IGSF11: variants seen among roughly 807,000 people sequenced by gnomAD.
The protein encoded by IGSF11 is CXADR like 1.
IGSF11 carries 22 observed loss-of-function variants against 41.0 expected under a neutral mutation model. That is an observed-to-expected ratio of 0.54 (90% confidence interval 0.38 to 0.77). The LOEUF (loss-of-function observed/expected upper bound fraction) is 0.77, where lower values mean the gene tolerates loss of function less well. Ranked by LOEUF, IGSF11 falls within the 30% of genes least tolerant of loss-of-function variation. IGSF11 has a pLI of 0.00. For missense variants in IGSF11, 444 were observed against 530.8 expected (o/e 0.84, Z 1.61); for synonymous variants, 219 against 201.3 (o/e 1.09, Z -0.74).
intron 1 of IGSF11, among the ~76,000 whole-genome samples, chr3:118,973,101 T>C (rs1933638942): frequency 6.6e-6 from 1 of 152,244 alleles, no homozygotes; most frequent in Non-Finnish European, 1.5e-5. Context: ...TTGTTCTCTC[T>C]GCTGCTCTCT....
At chr3:119,097,385 G>A (rs1244415623) in intron 1 of IGSF11, among the ~76,000 whole-genome samples, 1 of 152,030 alleles carries the variant, frequency 6.6e-6, no homozygotes, top group Non-Finnish European at 1.5e-5. Flanking sequence ...CTTAGGAAGA[G>A]TAAATTTGGC....
At chr3:118,977,638 C>T (rs1934262132) in intron 1 of IGSF11, among the ~76,000 whole-genome samples, 2 of 152,198 alleles carry the variant, frequency 1.3e-5, no homozygotes, top group South Asian at 2.1e-4. Flanking sequence ...CATCTTGGAA[C>T]TCCCCAGTGT....
At chr3:119,052,165 A>G (rs1941651287) in intron 1 of IGSF11, among the ~76,000 whole-genome samples, 1 of 152,128 alleles carries the variant, frequency 6.6e-6, no homozygotes, top group African/African-American at 2.4e-5. Flanking sequence ...AAAAAAATGT[A>G]CAAAAGATAA....
intron 1 of IGSF11, among the ~76,000 whole-genome samples, chr3:118,945,411 T>C (rs1470572634): frequency 6.6e-6 from 1 of 152,234 alleles, no homozygotes; most frequent in African/African-American, 2.4e-5. Context: ...TACATATCTA[T>C]GCTTTCCACC....
chr3:118,981,058 C>T (rs1234221008), intron 1 of IGSF11, among the ~76,000 whole-genome samples: 1 of 152,212 alleles, frequency 6.6e-6, no homozygotes. Flanking sequence ...TGCCACTCAC[C>T]AAGTTTCACC....
chr3:119,100,049 T>C (rs1209851865), intron 1 of IGSF11, among the ~76,000 whole-genome samples: 1 of 152,214 alleles, frequency 6.6e-6, no homozygotes, highest in East Asian at 1.9e-4. Flanking sequence ...TTCATTATGC[T>C]ACTCAGAGCT....
chr3:119,019,548 G>A (rs574126361), intron 1 of IGSF11, among the ~76,000 whole-genome samples: 18 of 151,804 alleles, frequency 1.2e-4, no homozygotes, highest in African/African-American at 4.4e-4. Flanking sequence ...CCCTTGTCCT[G>A]CTTTACTTCA....
At chr3:119,038,874 G>T (rs531714608), upstream of IGSF11, among the ~76,000 whole-genome samples, 1 of 152,100 alleles carries the variant, frequency 6.6e-6, no homozygotes, top group Non-Finnish European at 1.5e-5. Context: ...TTCACTTCCA[G>T]CAACAAAACA....
At chr3:118,981,327 G>A (rs757945160) in intron 1 of IGSF11, among the ~76,000 whole-genome samples, 1 of 151,986 alleles carries the variant, frequency 6.6e-6, no homozygotes, top group Non-Finnish European at 1.5e-5. Flanking sequence ...ATGCCACCAT[G>A]CCTGGCTAAT....
chr3:119,049,210 C>G (rs1941506048), intron 1 of IGSF11, among the ~76,000 whole-genome samples: 1 of 151,246 alleles, frequency 6.6e-6, no homozygotes, highest in African/African-American at 2.4e-5. Flanking sequence ...GTCAAATTGT[C>G]CCTGTTTGCA....
At chr3:119,019,304 T>C (rs1217762996) in intron 1 of IGSF11, among the ~76,000 whole-genome samples, 1 of 150,880 alleles carries the variant, frequency 6.6e-6, no homozygotes, top group Admixed American at 6.6e-5. Flanking sequence ...TAAATAGGCA[T>C]ATGCAAAGAA....
At chr3:119,059,351 G>A (rs2107450627) in intron 1 of IGSF11, among the ~76,000 whole-genome samples, 1 of 152,206 alleles carries the variant, frequency 6.6e-6, no homozygotes, top group South Asian at 2.1e-4. Flanking sequence ...TTATATGTGG[G>A]AGCTAAGACA....
At chr3:119,010,125 G>A (rs991885281) in intron 1 of IGSF11, among the ~76,000 whole-genome samples, 1 of 152,186 alleles carries the variant, frequency 6.6e-6, no homozygotes, top group African/African-American at 2.4e-5. Flanking sequence ...CTGGGGCGCT[G>A]TGAAGTGTCA....
chr3:119,115,815 C>T (rs1218655555), intron 1 of IGSF11, among the ~76,000 whole-genome samples: 1 of 152,122 alleles, frequency 6.6e-6, no homozygotes, highest in Non-Finnish European at 1.5e-5. Flanking sequence ...ATATAATCTT[C>T]TAAAATGAGG....
rs552367736 is a variant in IGSF11, at chr3:118,959,938, G to C, written c.53-29663C>G. 1.1e-4 allele frequency among the ~76,000 whole-genome samples: 17 copies of C among 152,108 alleles called. No individual in the cohort carries two copies. In the East Asian group the frequency reaches 3.3e-3, roughly 29 times the overall value. On this transcript the variant is annotated intron_variant, in intron 1 of 6. Coordinates refer to ENST00000393775, the MANE Select transcript of IGSF11 (RefSeq NM_001015887.3). ...CGGGCGCCTGTAGCCCCAGCTACTC[G>C]GGAGGCTGAGGCAGGAGAATGGCGT... is the stretch of plus-strand genomic sequence containing the variant.
intron 1 of IGSF11, among the ~76,000 whole-genome samples, chr3:119,140,108 C>T (rs1260074728): frequency 6.6e-6 from 1 of 151,876 alleles, no homozygotes; most frequent in Non-Finnish European, 1.5e-5. Flanking sequence ...AAATATATGA[C>T]ATATATAAAA....
chr3:119,057,021 G>A (rs1409876488), intron 1 of IGSF11, among the ~76,000 whole-genome samples: 1 of 152,132 alleles, frequency 6.6e-6, no homozygotes, highest in Non-Finnish European at 1.5e-5. Context: ...ATATCATACT[G>A]AATGGACAAA....
At chr3:119,129,602 T>C (rs1424318894) in intron 1 of IGSF11, among the ~76,000 whole-genome samples, 1 of 152,192 alleles carries the variant, frequency 6.6e-6, no homozygotes, top group South Asian at 2.1e-4. Context: ...CAGTGTTAAG[T>C]TGCTATAAAC....
At chr3:118,911,151 A>G (rs991444946) in intron 4 of IGSF11, among the ~76,000 whole-genome samples, 9 of 151,808 alleles carry the variant, frequency 5.9e-5, no homozygotes, top group Non-Finnish European at 1.3e-4. Context: ...GTAAAAATGA[A>G]TGAATATATA....
Sources: gnomAD v4.1 joint callset for allele counts (sites outside exome capture counted in the v4.1 genomes callset) on GRCh38, gnomAD v4.1.1 for gene constraint, MANE v1.5 for transcripts, NCBI Gene and HGNC (gene_info 2026-07-23, HGNC 2026-07-21) for gene names.